Variants in TET1 observed in about 807,000 individuals in gnomAD.
TET1 encodes tet methylcytosine dioxygenase 1.
In TET1, 13 loss-of-function variants were observed where a neutral mutation model predicts 148.7. The observed-to-expected ratio is 0.09, with a 90% confidence interval of 0.06 to 0.14. TET1 has a LOEUF of 0.14. TET1 is among the 10% of genes least tolerant of loss of function. TET1 has a pLI of 1.00. For synonymous variants in TET1, 907 were observed against 937.2 expected (o/e 0.97, Z 0.59); for missense variants, 2,182 against 2,553.8 (o/e 0.85, Z 3.14).
In TET1 at chr10:68,608,360, C is replaced by T. The variant is rs72474807; in HGVS notation, c.1968+7326C>T. On this transcript the variant is annotated intron_variant, in intron 3 of 11. Coordinates refer to ENST00000373644, the MANE Select transcript of TET1 (RefSeq NM_030625.3). ...AAGCGATTCTCCTACCTCAACCTCC[C>T]GAGTAACTGGGATTACAGGCGTCCG... Among the ~76,000 whole-genome samples the T allele has an allele frequency of 1.1e-4, 16 of 151,668 alleles. No homozygotes were observed. In the East Asian group the frequency reaches 2.1e-3, roughly 20 times the overall value.
intron 2 of TET1, among the ~76,000 whole-genome samples, chr10:68,585,373 A>T (rs1238717755): frequency 6.6e-6 from 1 of 152,104 alleles, no homozygotes; most frequent in Non-Finnish European, 1.5e-5. Context: ...ACGTCAGGTG[A>T]TCAGCCTGCC....
chr10:68,632,570 TC>T, intron 3 of TET1: 1 of 1,604,280 alleles, frequency 6.2e-7, no homozygotes, highest in Non-Finnish European at 8.5e-7. Context: ...GGGGGGTTTA[TC>T]TTGGTGACTT....
Position 68,590,924 on chromosome 10 carries a change from C to T in TET1, c.1915-10057C>T, listed in dbSNP as rs149466400. ...AGGCTGGAGTGCAATGGCACGATCT[C>T]GGCTCATTGCAACCTCCACCTCCCA... is the stretch of plus-strand genomic sequence containing the variant. On this transcript the variant is annotated intron_variant, in intron 2 of 11. Coordinates refer to ENST00000373644, the MANE Select transcript of TET1 (RefSeq NM_030625.3). Among the ~76,000 whole-genome samples the T allele has an allele frequency of 4.2e-4, 64 of 151,834 alleles. No homozygotes were observed. The East Asian group carries it at 6.4e-3, about 15-fold the overall frequency.
chr10:68,615,201 G>A (rs968914908), intron 3 of TET1, among the ~76,000 whole-genome samples: 1 of 151,988 alleles, frequency 6.6e-6, no homozygotes, highest in African/African-American at 2.4e-5. Context: ...GAAGGGCTGA[G>A]ATTACAGGCT....
At chr10:68,655,342 C>T (rs2133128182) in intron 6 of TET1, among the ~76,000 whole-genome samples, 1 of 152,290 alleles carries the variant, frequency 6.6e-6, no homozygotes, top group East Asian at 1.9e-4. Flanking sequence ...TGTGTCTGGC[C>T]TATCCATAGT....
rs751494650 is a variant in TET1, at chr10:68,645,958, G to T, written c.3229G>T (p.Val1077Phe). Residue 1077 changes from valine (V) to phenylalanine (F), a missense_variant, in exon 4 of 12, where the codon GTT becomes TTT. Coordinates refer to ENST00000373644, the MANE Select transcript of TET1 (RefSeq NM_030625.3). Reference protein sequence around the residue: ...DATHTQIEEDVATQLTQLASI... With the variant: ...DATHTQIEEDFATQLTQLASI... Reference sequence around the variant, plus strand: ...AACCCATACCCAAATTGAGGAAGATGTTGCAACACAGTTGACACAACTTGC... The same window carrying T: ...AACCCATACCCAAATTGAGGAAGATTTTGCAACACAGTTGACACAACTTGC... 1 of 1,614,008 alleles carries T rather than the reference G, an allele frequency of 6.2e-7. No individual in the cohort carries two copies. The highest frequency in any genetic ancestry group is 2.2e-5 in the East Asian group (1 of 44,854).
At position 68,652,501 on chromosome 10, in the gene TET1, G is replaced by A. The variant is rs2054951571; in HGVS notation, c.4368G>A (p.Arg1456=). 9 of 1,606,286 alleles carry A rather than the reference G, an allele frequency of 5.6e-6. No homozygotes were observed. The highest frequency in any genetic ancestry group is 7.7e-6 in the Non-Finnish European group (9 of 1,175,854). ...TCCCTTCACTGTGTTTTATACTCAG[G>A]TATGGTCAAAAAGGAAACGCAATAA... ...VAAVREIMEN[R]YGQKGNAIRI... is the part of the protein sequence containing the mutation. The change falls in exon 6 of 12, where the codon AGG becomes AGA. Residue 1456 remains arginine, a splice_region_variant and synonymous_variant. Coordinates refer to ENST00000373644, the MANE Select transcript of TET1 (RefSeq NM_030625.3).
Position 68,646,669 on chromosome 10 carries a change from G to A in TET1, c.3940G>A (p.Ala1314Thr). ...ACCTAACCAGTGTGCTAACGTGATG[G>A]CAGGCGATGACCAAATACGGTTTCA... ...SPPNQCANVM[A>T]GDDQIRFQQV... Residue 1314 changes from alanine (A) to threonine (T), a missense_variant, in exon 4 of 12, where the codon GCA becomes ACA. Transcript: ENST00000373644. 2 of 1,614,120 alleles carry A rather than the reference G, an allele frequency of 1.2e-6. No homozygotes were observed. Among genetic ancestry groups the A allele is most frequent in the Non-Finnish European group, 1.7e-6 (2 of 1,180,012 alleles).
intron 4 of TET1, among the ~76,000 whole-genome samples, chr10:68,648,857 C>T (rs2054889214): frequency 6.6e-6 from 1 of 152,170 alleles, no homozygotes. Context: ...AAGTGATCCT[C>T]GTGCCTCAGC....
intron 2 of TET1, among the ~76,000 whole-genome samples, chr10:68,578,419 C>T (rs964465756): frequency 6.6e-6 from 1 of 151,992 alleles, no homozygotes; most frequent in Non-Finnish European, 1.5e-5. Context: ...CCACCATGCC[C>T]GGCTAATTTT....
intron 6 of TET1, among the ~76,000 whole-genome samples, chr10:68,654,278 G>C (rs1463091235): frequency 1.3e-5 from 2 of 151,970 alleles, no homozygotes; most frequent in African/African-American, 4.8e-5. Context: ...CTTGGGTTTA[G>C]AAATAAGAGT....
At chr10:68,672,581 A>G (rs772041455) in intron 7 of TET1, among the ~76,000 whole-genome samples, 12 of 151,066 alleles carry the variant, frequency 7.9e-5, no homozygotes, top group Non-Finnish European at 1.6e-4. Context: ...AAATCAAACA[A>G]TACTGTGAGT....
intron 3 of TET1, among the ~76,000 whole-genome samples, chr10:68,639,379 G>A (rs953039875): frequency 6.6e-6 from 1 of 151,498 alleles, no homozygotes; most frequent in Non-Finnish European, 1.5e-5. Context: ...CTGAGATCTT[G>A]CCACTGCACT....
At chr10:68,685,316 A>G (rs907237383) in intron 10 of TET1, among the ~76,000 whole-genome samples, 1 of 152,204 alleles carries the variant, frequency 6.6e-6, no homozygotes. Context: ...CCATGAATAC[A>G]AAAATGCTTT....
At position 68,686,528 on chromosome 10, in the gene TET1, A is replaced by G; in HGVS notation, c.5225A>G (p.Lys1742Arg). The G allele has an allele frequency of 6.2e-7, 1 of 1,614,162 alleles. No homozygotes were observed. Among genetic ancestry groups the G allele is most frequent in the Non-Finnish European group, 8.5e-7 (1 of 1,180,042 alleles). Residue 1742 changes from lysine (K) to arginine (R), a missense_variant, in exon 11 of 12, where the codon AAA becomes AGA. By Grantham distance (26) the Lys-to-Arg change is conservative. Transcript: ENST00000373644. ...ATCGAGGTCCTGGCACCCCGCCGCA[A>G]AAAAAGAACGTGTTTCACTCAGCCT... ...GAIEVLAPRR[K>R]KRTCFTQPVP...
intron 5 of TET1, 23 bp from the exon 6 acceptor site, chr10:68,652,478 C>T (rs753446350): frequency 2.6e-6 from 4 of 1,544,262 alleles, no homozygotes; most frequent in Non-Finnish European, 2.7e-6. Context: ...TAGTACATTC[C>T]CTTCACTGTG....
intron 6 of TET1, among the ~76,000 whole-genome samples, chr10:68,664,348 A>G (rs562634202): frequency 1.3e-5 from 2 of 152,154 alleles, no homozygotes; most frequent in Admixed American, 6.6e-5. Flanking sequence ...GTATATATAT[A>G]TCATGTCAAA....
At chr10:68,611,886 G>A (rs1589075477) in intron 3 of TET1, among the ~76,000 whole-genome samples, 1 of 144,538 alleles carries the variant, frequency 6.9e-6, no homozygotes. Context: ...GAGAGGGAGG[G>A]AGGGGAGAAA....
chr10:68,646,819 A>G lies in TET1; in HGVS notation c.4090A>G (p.Ile1364Val). The G allele has an allele frequency of 6.2e-7, 1 of 1,614,208 alleles. No individual in the cohort carries two copies. The highest frequency in any genetic ancestry group is 8.5e-7 in the Non-Finnish European group (1 of 1,180,040). Residue 1364 changes from isoleucine to valine, a missense_variant, in exon 4 of 12, where the codon ATT (isoleucine) becomes GTT (valine). Transcript: ENST00000373644. Reference protein sequence around the residue: ...RNVNVVCSGGITVVSTKSEEE... With the variant: ...RNVNVVCSGGVTVVSTKSEEE... Reference sequence around the variant, plus strand: ...TGTAAATGTAGTGTGTTCAGGTGGAATTACAGTGGTTTCTACCAAAAGTGA... The same window carrying G: ...TGTAAATGTAGTGTGTTCAGGTGGAGTTACAGTGGTTTCTACCAAAAGTGA...
Sources: allele counts gnomAD v4.1 joint callset (sites outside exome capture counted in the v4.1 genomes callset), GRCh38; gene constraint gnomAD v4.1.1; transcripts MANE v1.5; gene names NCBI Gene and HGNC (gene_info 2026-07-23, HGNC 2026-07-21).